The following ASCC3 variants were observed in gnomAD, a reference collection of about 807,000 sequenced individuals.
The protein encoded by ASCC3 is activating signal cointegrator 1 complex subunit 3, also known as ASC-1 complex subunit P200.
Under a neutral mutation model 256.3 loss-of-function variants are expected in ASCC3, and 158 were observed. That is an observed-to-expected ratio of 0.62 (90% CI 0.54 to 0.70). The LOEUF (loss-of-function observed/expected upper bound fraction) is 0.70. ASCC3 is among the 30% of genes least tolerant of loss of function. ASCC3 has a pLI of 0.00. For synonymous variants in ASCC3, 948 were observed against 883.4 expected (o/e 1.07, Z -1.30); for missense variants, 2,259 against 2,626.0 (o/e 0.86, Z 3.05).
intron 11 of ASCC3, among the ~76,000 whole-genome samples, chr6:100,719,519 T>G (rs1480024681): frequency 6.6e-6 from 1 of 152,100 alleles, no homozygotes; most frequent in Non-Finnish European, 1.5e-5. Context: ...CACAATACTC[T>G]GGCAAACACC....
At chr6:100,638,577 G>T in intron 25 of ASCC3, 24 bp downstream of exon 25, 2 of 1,544,158 alleles carry the variant, frequency 1.3e-6, no homozygotes, top group Non-Finnish European at 8.9e-7. Context: ...CTAATTAAAT[G>T]TAAGTATGAT....
rs1774310000 is a variant in ASCC3 at position 100,627,680 on chromosome 6, G to A, written c.4552C>T (p.Arg1518Cys). The A allele has an allele frequency of 1.2e-6, 2 of 1,613,610 alleles. No homozygotes were observed. The highest frequency in any genetic ancestry group is 1.7e-6 in the Non-Finnish European group (2 of 1,179,764). The change falls in exon 29 of 42, where the codon CGC (arginine) becomes TGC (cysteine). Residue 1518 changes from arginine to cysteine, a missense_variant. Around this residue, in one of 2 missense-constraint regions of ASCC3, gnomAD observed 1,839 missense variants for 2,206.7 expected, o/e 0.83. Coordinates refer to ENST00000369162, the MANE Select transcript of ASCC3 (RefSeq NM_006828.4). ...MGLFNFRPSVRPVPLEVHIQG... is the reference protein window; with the variant it reads ...MGLFNFRPSVCPVPLEVHIQG... ...ATGTGAACTTCCAGTGGAACTGGGC[G>A]TACTGATGGTCGGAAGTTAAACAAG...
intron 36 of ASCC3, among the ~76,000 whole-genome samples, chr6:100,585,060 G>C (rs924427396): frequency 7.9e-5 from 12 of 152,144 alleles, no homozygotes; most frequent in Non-Finnish European, 1.5e-4. Context: ...TATGTGTCTT[G>C]GAGTTGCTCT....
At chr6:100,785,475 C>T (rs1769018825) in intron 8 of ASCC3, among the ~76,000 whole-genome samples, 1 of 152,114 alleles carries the variant, frequency 6.6e-6, no homozygotes, top group Admixed American at 6.6e-5. Context: ...ATCATCGGCT[C>T]ACTGCAATCT....
chr6:100,869,326 C>T (rs1773626861), intron 1 of ASCC3, among the ~76,000 whole-genome samples: 1 of 152,188 alleles, frequency 6.6e-6, no homozygotes, highest in African/African-American at 2.4e-5. Context: ...CTATTCTCTG[C>T]TCCTGCTGTT....
intron 8 of ASCC3, 115 bp downstream of exon 8, chr6:100,798,598 T>TGTCTG: frequency 6.7e-7 from 1 of 1,498,844 alleles, no homozygotes. Flanking sequence ...CAACTATATA[T>TGTCTG]GTCTGTACTG....
At chr6:100,613,802 G>T (rs1322226289) in intron 30 of ASCC3, among the ~76,000 whole-genome samples, 1 of 152,106 alleles carries the variant, frequency 6.6e-6, no homozygotes, top group Non-Finnish European at 1.5e-5. Context: ...CCAACAGCGT[G>T]TAAGAGTTCC....
chr6:100,778,136 G>A (rs913445459), intron 8 of ASCC3, among the ~76,000 whole-genome samples: 3 of 151,414 alleles, frequency 2.0e-5, no homozygotes, highest in East Asian at 1.9e-4. Context: ...CAAAGATGAC[G>A]TTTTTCTTGA....
chr6:100,605,921 T>C (rs1304637591), intron 32 of ASCC3, among the ~76,000 whole-genome samples: 2 of 152,054 alleles, frequency 1.3e-5, no homozygotes, highest in Non-Finnish European at 2.9e-5. Context: ...GATGAAAAAC[T>C]GAGTCTTTGA....
At chr6:100,618,198 T>A (rs957711004) in intron 30 of ASCC3, among the ~76,000 whole-genome samples, 1 of 152,194 alleles carries the variant, frequency 6.6e-6, no homozygotes, top group East Asian at 1.9e-4. Flanking sequence ...GACCTTGCAA[T>A]GAAAACTGTT....
intron 14 of ASCC3, among the ~76,000 whole-genome samples, chr6:100,672,969 T>A (rs540167891): frequency 6.6e-6 from 1 of 152,196 alleles, no homozygotes; most frequent in Admixed American, 6.5e-5. Flanking sequence ...TTAAGGCTCA[T>A]GTGTATATAA....
At chr6:100,534,683 A>G (rs560826775) in intron 37 of ASCC3, among the ~76,000 whole-genome samples, 1 of 152,338 alleles carries the variant, frequency 6.6e-6, no homozygotes, top group Admixed American at 6.5e-5. Context: ...TAACAGTAAC[A>G]TATTGAAAGG....
Position 100,799,458 on chromosome 6 carries a change from T to C in ASCC3, c.1242A>G (p.Lys414=). The C allele has an allele frequency of 6.2e-7, 1 of 1,612,948 alleles. No homozygotes were observed. The highest frequency in any genetic ancestry group is 1.1e-5 in the South Asian group (1 of 91,074). ...HVYDSQAEAM[K]TSAFIAGAKM... The stretch of plus-strand genomic sequence containing the variant: ...TTGCACCAGCAATAAATGCTGATGT[T>C]TTCATGGCTTCAGCCTGGGAATCAT... Residue 414 remains lysine, a synonymous_variant, in exon 7 of 42, where the codon AAA becomes AAG. Transcript: ENST00000369162.
intron 4 of ASCC3, among the ~76,000 whole-genome samples, chr6:100,829,217 G>A (rs1771491311): frequency 6.6e-6 from 1 of 152,142 alleles, no homozygotes; most frequent in Non-Finnish European, 1.5e-5. Flanking sequence ...TGCCAGACCC[G>A]CACCGTGCAC....
Position 100,540,201 on chromosome 6 carries a change from T to C in ASCC3, c.5737A>G (p.Thr1913Ala). ...AGAGCTTGGTCCAAGACTGTTTTGGTATCAGTGTCATAATCTGGGCAGGGT... is the reference window on the plus strand; with the variant it reads ...AGAGCTTGGTCCAAGACTGTTTTGGCATCAGTGTCATAATCTGGGCAGGGT... ...MLPCPDYDTDTKTVLDQALRV... is the reference protein window; with the variant it reads ...MLPCPDYDTDAKTVLDQALRV... The change falls in exon 37 of 42, where the codon ACC becomes GCC. Residue 1913 changes from threonine to alanine, a missense_variant. By Grantham distance (58) the Thr-to-Ala change is moderately conservative (BLOSUM62 0). Transcript: ENST00000369162. The C allele has an allele frequency of 6.2e-7, 1 of 1,614,100 alleles. No individual in the cohort carries two copies. The highest frequency in any genetic ancestry group is 8.5e-7 in the Non-Finnish European group (1 of 1,179,988).
At chr6:100,527,985 G>T (rs1774670066) in intron 37 of ASCC3, among the ~76,000 whole-genome samples, 1 of 151,602 alleles carries the variant, frequency 6.6e-6, no homozygotes, top group African/African-American at 2.4e-5. Flanking sequence ...ACAGGTGAGT[G>T]CCACCATGCC....
chr6:100,800,212 T>C (rs1582882278), intron 6 of ASCC3, 88 bp downstream of exon 6: 2 of 1,411,632 alleles, frequency 1.4e-6, no homozygotes, highest in South Asian at 1.2e-5. Context: ...AAATCATCTA[T>C]ACTGCTAAGA....
At chr6:100,563,358 T>G (rs1315230902) in intron 36 of ASCC3, among the ~76,000 whole-genome samples, 6 of 152,158 alleles carry the variant, frequency 3.9e-5, no homozygotes, top group Non-Finnish European at 2.9e-5. Context: ...CTAGCTGAAG[T>G]TTATTTTGGC....
chr6:100,722,242 T>C (rs1190950793), intron 11 of ASCC3, among the ~76,000 whole-genome samples: 2 of 151,912 alleles, frequency 1.3e-5, no homozygotes, highest in African/African-American at 4.8e-5. Flanking sequence ...TGTAGCTTTA[T>C]AGTATAGTTT....
Sources: gnomAD v4.1 joint callset for allele counts (sites outside exome capture counted in the v4.1 genomes callset) on GRCh38, gnomAD v4.1.1 for gene constraint, gnomAD v4.1.1 regional missense constraint, MANE v1.5 for transcripts, NCBI Gene and HGNC (gene_info 2026-07-23, HGNC 2026-07-21) for gene names.